TBX15: variants seen among roughly 807,000 people sequenced by gnomAD.
TBX15 encodes T-box transcription factor 15, also known as T-box transcription factor TBX15.
In TBX15, 18 loss-of-function variants were observed where a neutral mutation model predicts 53.9. The ratio of observed to expected loss-of-function variants is 0.33; its 90% CI spans 0.23 to 0.49. The LOEUF is 0.49. Ranked by LOEUF, TBX15 falls within the 20% of genes least tolerant of loss-of-function variation. The pLI is 0.98. For missense variants in TBX15, 692 were observed against 749.5 expected (o/e 0.92, Z 0.90); for synonymous variants, 295 against 278.0 (o/e 1.06, Z -0.61).
chr1:118,932,129 T>C lies in TBX15; in HGVS notation c.206-297A>G, dbSNP rs1571185467. Among the ~76,000 whole-genome samples the C allele has an allele frequency of 2.0e-5, 3 of 152,330 alleles. No individual in the cohort carries two copies. The East Asian group carries it at 5.8e-4, about 29-fold the overall frequency. On this transcript the variant is annotated intron_variant, in intron 1 of 7. Transcript: ENST00000369429. ...CCACAACAGGCAATATAAATAGTAC[T>C]AATGTCACCATGTTGAAGAGAATGA...
chr1:118,937,209 A>C (rs1655999484), intron 1 of TBX15, among the ~76,000 whole-genome samples: 1 of 152,244 alleles, frequency 6.6e-6, no homozygotes, highest in Non-Finnish European at 1.5e-5. Context: ...GGAGTTTCAG[A>C]GAATTACAAA....
intron 6 of TBX15, among the ~76,000 whole-genome samples, chr1:118,913,036 T>C (rs563030903): frequency 6.4e-4 from 98 of 152,332 alleles, no homozygotes; most frequent in African/African-American, 2.2e-3. Context: ...AAGTGATTCA[T>C]AAGTCATTTT....
chr1:118,913,499 A>T (rs1655091555), intron 6 of TBX15, among the ~76,000 whole-genome samples: 1 of 152,196 alleles, frequency 6.6e-6, no homozygotes, highest in Non-Finnish European at 1.5e-5. Flanking sequence ...GTCTCTAAGG[A>T]CATTTATAGC....
chr1:118,949,429 T>C (rs1367266135), intron 1 of TBX15, among the ~76,000 whole-genome samples: 1 of 152,274 alleles, frequency 6.6e-6, no homozygotes, highest in Non-Finnish European at 1.5e-5. Flanking sequence ...GTGGTTTTAA[T>C]GGAGAACTAA....
intron 1 of TBX15, among the ~76,000 whole-genome samples, chr1:118,978,257 T>G (rs1235145463): frequency 3.9e-5 from 6 of 152,248 alleles, no homozygotes; most frequent in African/African-American, 1.4e-4. Flanking sequence ...ATTTTTATTT[T>G]TTGGTCTTGT....
At chr1:118,968,935 A>G (rs180758729) in intron 1 of TBX15, among the ~76,000 whole-genome samples, 2 of 152,256 alleles carry the variant, frequency 1.3e-5, no homozygotes, top group East Asian at 3.9e-4. Context: ...AAGTATTAAT[A>G]TGGTTGGGAT....
intron 5 of TBX15, among the ~76,000 whole-genome samples, chr1:118,915,044 T>C (rs1179085470): frequency 6.6e-6 from 1 of 152,224 alleles, no homozygotes; most frequent in African/African-American, 2.4e-5. Context: ...ATTGCCCTCA[T>C]GCCTGTAGAC....
rs572261670 is a variant in TBX15 at position 118,883,737 on chromosome 1, C to T, written c.*995G>A. 6.6e-6 allele frequency: 1 copy of T among 152,350 alleles called. No individual in the cohort carries two copies. Among genetic ancestry groups the T allele is most frequent in the East Asian group, 1.9e-4 (1 of 5,168 alleles). The allele number at this position is 152,350 out of a possible 1,614,324, so 9.4% of individuals were successfully genotyped here. A position where few individuals can be genotyped will look rare whatever the true frequency, so the allele number is the denominator to read the frequency against. ...CAAAGCTGTGGGCTCAGGATGCATT[C>T]CTTGCTCTGTCCCTCTGACCAATGC... On this transcript the variant is annotated 3_prime_UTR_variant, in exon 8 of 8. Transcript: ENST00000369429.
At chr1:118,886,342 G>C (rs1162573038) in intron 7 of TBX15, among the ~76,000 whole-genome samples, 1 of 152,142 alleles carries the variant, frequency 6.6e-6, no homozygotes, top group South Asian at 2.1e-4. Flanking sequence ...TGACCTGAGA[G>C]TCAGGAGATC....
In TBX15 at chr1:118,920,437, A is replaced by AAGGATGCTG. The variant is rs557635824; in HGVS notation, c.861+2990_861+2998dup. On this transcript the variant is annotated intron_variant, in intron 5 of 7. Coordinates refer to ENST00000369429, the MANE Select transcript of TBX15 (RefSeq NM_001330677.2). ...AAAAGAAAAAGGGACATACAAAGGC[A>AAGGATGCTG]AGGATGCTGCAAAGTTCAGGCAACA... Among the ~76,000 whole-genome samples, 20 of 152,340 alleles carry AAGGATGCTG rather than the reference A, an allele frequency of 1.3e-4. No individual in the cohort carries two copies. In the South Asian group the frequency reaches 4.1e-3, roughly 32 times the overall value.
chr1:118,919,631 G>A (rs945705110), intron 5 of TBX15, among the ~76,000 whole-genome samples: 1 of 152,226 alleles, frequency 6.6e-6, no homozygotes, highest in Non-Finnish European at 1.5e-5. Flanking sequence ...GTAGAGTCAT[G>A]TTGGCTAATC....
chr1:118,946,439 T>C (rs1571196798), intron 1 of TBX15, among the ~76,000 whole-genome samples: 1 of 152,298 alleles, frequency 6.6e-6, no homozygotes, highest in East Asian at 1.9e-4. Context: ...CAAAGGAATC[T>C]ATGACTTTAA....
intron 1 of TBX15, among the ~76,000 whole-genome samples, chr1:118,969,311 T>C (rs1445222386): frequency 6.6e-6 from 1 of 152,198 alleles, no homozygotes; most frequent in East Asian, 1.9e-4. Context: ...AGTGACCTTC[T>C]GGGGTTATTC....
Position 118,914,122 on chromosome 1 carries a change from T to C in TBX15, c.919A>G (p.Arg307Gly). The part of the protein sequence containing the change: ...PFAKGFRDSG[R>G]NRTGLEAIME... ...TTCCCCAGTGATTCTTACCTGTTTC[T>C]CCCAGAATCTCTGAATCCTTTAGCA... Residue 307 changes from arginine to glycine, a missense_variant, in exon 6 of 8, where the codon AGA (arginine) becomes GGA (glycine). By Grantham distance (125) the Arg-to-Gly change is moderately radical. Coordinates refer to ENST00000369429, the MANE Select transcript of TBX15 (RefSeq NM_001330677.2). The C allele has an allele frequency of 6.2e-7, 1 of 1,613,790 alleles. No homozygotes were observed. The highest frequency in any genetic ancestry group is 8.5e-7 in the Non-Finnish European group (1 of 1,179,774).
At chr1:118,961,559 C>A (rs980038047) in intron 1 of TBX15, among the ~76,000 whole-genome samples, 1 of 152,156 alleles carries the variant, frequency 6.6e-6, no homozygotes. Flanking sequence ...CTCTCTGAAG[C>A]AGAAGCTTGA....
upstream of TBX15, among the ~76,000 whole-genome samples, chr1:118,988,510 C>T (rs919854636): frequency 2.6e-5 from 4 of 152,154 alleles, no homozygotes; most frequent in African/African-American, 9.7e-5. Flanking sequence ...GACTTTAACC[C>T]CTGGCTTCCC....
intron 6 of TBX15, 73 bp from the exon 7 acceptor site, chr1:118,899,198 A>G: frequency 7.4e-7 from 1 of 1,349,356 alleles, no homozygotes; most frequent in Admixed American, 1.8e-5. Flanking sequence ...AGAGATCCAG[A>G]GGTGGACTGT....
In TBX15 at chr1:118,987,830, C is replaced by T. The variant is rs1287370398; in HGVS notation, c.-35G>A. On this transcript the variant is annotated 5_prime_UTR_variant, in exon 1 of 8. Coordinates refer to ENST00000369429, the MANE Select transcript of TBX15 (RefSeq NM_001330677.2). Reference sequence around the variant, plus strand: ...CCACACCCCTGCCTCCGCTTGCCCCCGCTACCGAGGGAGCAGCCGGCGCCC... The same window carrying T: ...CCACACCCCTGCCTCCGCTTGCCCCTGCTACCGAGGGAGCAGCCGGCGCCC... 6.5e-7 allele frequency: 1 copy of T among 1,545,166 alleles called. No individual in the cohort carries two copies. Among genetic ancestry groups the T allele is most frequent in the Non-Finnish European group, 8.7e-7 (1 of 1,144,596 alleles).
intron 1 of TBX15, among the ~76,000 whole-genome samples, chr1:118,966,141 G>A (rs1657026778): frequency 6.6e-6 from 1 of 152,112 alleles, no homozygotes; most frequent in African/African-American, 2.4e-5. Flanking sequence ...ATAGAAACTG[G>A]GGCCAACACA....
Sources: gnomAD v4.1 joint callset for allele counts (sites outside exome capture counted in the v4.1 genomes callset) on GRCh38, gnomAD v4.1.1 for gene constraint, MANE v1.5 for transcripts, NCBI Gene and HGNC (gene_info 2026-07-23, HGNC 2026-07-21) for gene names.